Variants in RRBP1 observed in about 807,000 individuals in gnomAD.
RRBP1 encodes the protein ribosome-binding protein 1.
In RRBP1, 94 loss-of-function variants were observed where a neutral mutation model predicts 165.2. The observed-to-expected ratio is 0.57, with a 90% CI of 0.48 to 0.68. The LOEUF is 0.68. RRBP1 is among the 30% of genes least tolerant of loss of function. The probability of loss-of-function intolerance (pLI) is 0.00; values close to 1 mark genes in which losing one functional copy is unlikely to be tolerated. For missense variants in RRBP1, 1,676 were observed against 1,763.0 expected, an observed-to-expected ratio of 0.95 and a Z score of 0.88; for synonymous variants, 680 against 714.5, an observed-to-expected ratio of 0.95 and a Z score of 0.77.
At position 17,660,104 on chromosome 20, in the gene RRBP1, G is replaced by A. The variant is rs202162719; in HGVS notation, c.404C>T (p.Ser135Phe). The A allele has an allele frequency of 3.7e-6, 6 of 1,614,146 alleles. No homozygotes were observed. The South Asian group carries it at 4.4e-5, about 12-fold the overall frequency. The stretch of plus-strand genomic sequence containing the variant: ...CTCCTTCTTCTTTTTGTCCTTGGGG[G>A]AGGAGGCCAGCTTCTCCTGGGGCAT... ...PAMPQEKLAS[S>F]PKDKKKKEKK... Residue 135 changes from serine to phenylalanine, a missense_variant, in exon 3 of 25, where the codon TCC becomes TTC. Transcript: ENST00000377813.
intron 5 of RRBP1, among the ~76,000 whole-genome samples, chr20:17,640,616 C>G (rs2122354745): frequency 1.3e-5 from 2 of 152,214 alleles, no homozygotes; most frequent in Middle Eastern, 3.4e-3. Context: ...TTCTCCTCAC[C>G]TAAGAGGCAA....
rs767522582 is a variant in RRBP1, at chr20:17,643,567, C to T, written c.1913-440G>A. 6.6e-6 allele frequency among the ~76,000 whole-genome samples: 1 copy of T among 152,108 alleles called. No individual in the cohort carries two copies. The highest frequency in any genetic ancestry group is 2.1e-4 in the South Asian group (1 of 4,818). The stretch of plus-strand genomic sequence containing the variant: ...GACTGAGCCCCGTGGCCTTGTGGGA[C>T]CTGACTGGGCAGCGAATTTACCGTC... On this transcript the variant is annotated intron_variant, in intron 3 of 24. Coordinates refer to ENST00000377813, the MANE Select transcript of RRBP1 (RefSeq NM_001365613.2). The surrounding 1 kb of genome is among the most constrained non-coding windows in gnomAD (Gnocchi z 4.3).
Position 17,658,950 on chromosome 20 carries a change from T to TAAA in RRBP1, c.1557_1558insTTT (p.Gly519_Lys520insPhe), listed in dbSNP as rs1242078106. The stretch of plus-strand genomic sequence containing the variant: ...TTGCCCTGAGCCCCTTCTGTCTTTT[T>TAAA]ACCCTGATTCTGGGCTCCCTCTCCT... On this transcript the variant is annotated inframe_insertion, in exon 3 of 25. Transcript: ENST00000377813. 12 of 1,612,814 alleles carry TAAA rather than the reference T, an allele frequency of 7.4e-6. No homozygotes were observed. The East Asian group carries it at 2.7e-4, about 36-fold the overall frequency.
At chr20:17,615,637 G>A (rs2035785685) in intron 22 of RRBP1, 108 bp from the exon 23 acceptor site, 2 of 771,936 alleles carry the variant, frequency 2.6e-6, no homozygotes, top group Non-Finnish European at 4.0e-6. Flanking sequence ...CAGCCTGATG[G>A]AGCAACAGCT....
rs558934707 is a variant in RRBP1, at chr20:17,625,386, T to C, written c.3054+126A>G. ...CACACCCTGGACCCCCACAGCACAA[T>C]GGGGTGTAGAAACACAAGCTCAGCC... On this transcript the variant is annotated intron_variant, in intron 12 of 24. Transcript: ENST00000377813. 16 of 785,036 alleles carry C rather than the reference T, an allele frequency of 2.0e-5. No individual in the cohort carries two copies. The East Asian group carries it at 2.8e-4, about 14-fold the overall frequency. 48.6% of individuals were successfully genotyped at this position (785,036 alleles called of 1,614,324 possible).
rs1279944547 is a variant in RRBP1, at chr20:17,659,850, T to C, written c.658A>G (p.Arg220Gly). Residue 220 changes from arginine (R) to glycine (G), a missense_variant, in exon 3 of 25, where the codon AGA (arginine) becomes GGA (glycine). Arg to Gly is a moderately radical substitution (Grantham distance 125). Around this residue, in one of 5 missense-constraint regions of RRBP1, gnomAD observed 392 missense variants for 382.5 expected, o/e 1.02. Transcript: ENST00000377813. ...KKAEGAPNQG[R>G]KAEGTPNQGK... is the part of the protein sequence containing the mutation. ...TGGTTTGGGGTTCCCTCTGCCTTTC[T>C]GCCCTGGTTTGGGGCTCCTTCAGCC... 2 of 1,551,678 alleles carry C rather than the reference T, an allele frequency of 1.3e-6. No homozygotes were observed. Among genetic ancestry groups the C allele is most frequent in the East Asian group, 4.9e-5 (2 of 40,936 alleles).
chr20:17,646,611 G>C (rs539398807), intron 3 of RRBP1, among the ~76,000 whole-genome samples: 8 of 152,184 alleles, frequency 5.3e-5, no homozygotes, highest in Non-Finnish European at 8.8e-5. Flanking sequence ...GCAGGGTAAC[G>C]CACAGCAAAA....
In RRBP1 at chr20:17,659,967, C is replaced by G. The variant is rs771213076; in HGVS notation, c.541G>C (p.Val181Leu). Residue 181 changes from valine (V) to leucine (L), a missense_variant, in exon 3 of 25, where the codon GTG becomes CTG. Physicochemically the swap from Val to Leu is conservative, Grantham distance 32 (BLOSUM62 1). This residue lies in a region of RRBP1 where 392 missense variants were observed against 382.5 expected (regional missense o/e 1.02). Coordinates refer to ENST00000377813, the MANE Select transcript of RRBP1 (RefSeq NM_001365613.2). ...ETAPKEVPMVVVPPVGAKGNT... is the reference protein window; with the variant it reads ...ETAPKEVPMVLVPPVGAKGNT... Reference sequence around the variant, plus strand: ...CCCTTGGCACCCACTGGGGGCACCACCACCATCGGCACCTCCTTGGGAGCA... The same window carrying G: ...CCCTTGGCACCCACTGGGGGCACCAGCACCATCGGCACCTCCTTGGGAGCA... 2 of 1,604,752 alleles carry G rather than the reference C, an allele frequency of 1.2e-6. No homozygotes were observed. The highest frequency in any genetic ancestry group is 3.4e-5 in the Admixed American group (2 of 58,856).
intron 2 of RRBP1, among the ~76,000 whole-genome samples, chr20:17,663,638 T>C (rs2036812572): frequency 6.6e-6 from 1 of 152,266 alleles, no homozygotes; most frequent in Admixed American, 6.5e-5. Flanking sequence ...ACCTTTCTGC[T>C]GCTTTGCAGA....
intron 2 of RRBP1, among the ~76,000 whole-genome samples, chr20:17,671,725 C>CT (rs1165885204): frequency 6.6e-6 from 1 of 152,200 alleles, no homozygotes; most frequent in African/African-American, 2.4e-5. Flanking sequence ...GCTATCAGAA[C>CT]TTAAGAGTTT....
Position 17,615,425 on chromosome 20 carries a change from G to T in RRBP1, c.4050+6C>A. On this transcript the variant is annotated splice_donor_region_variant and intron_variant, in intron 23 of 24. Transcript: ENST00000377813. ...AGGTGTGACCCCCGCCCCAGCCCCTGCCTGCCTTCAGCTGTGAGGCCTCCT... is the reference window on the plus strand; with the variant it reads ...AGGTGTGACCCCCGCCCCAGCCCCTTCCTGCCTTCAGCTGTGAGGCCTCCT... 3 of 1,605,078 alleles carry T rather than the reference G, an allele frequency of 1.9e-6. No individual in the cohort carries two copies. The highest frequency in any genetic ancestry group is 1.7e-6 in the Non-Finnish European group (2 of 1,175,528).
intron 3 of RRBP1, among the ~76,000 whole-genome samples, chr20:17,655,161 G>A (rs2122425730): frequency 6.6e-6 from 1 of 152,244 alleles, no homozygotes; most frequent in South Asian, 2.1e-4. Flanking sequence ...AAGATCTAGG[G>A]TCTTCAGCGT....
At chr20:17,670,164 G>A (rs1003906854) in intron 2 of RRBP1, among the ~76,000 whole-genome samples, 22 of 152,162 alleles carry the variant, frequency 1.4e-4, no homozygotes, top group Non-Finnish European at 1.5e-5. Context: ...TATCTATTAA[G>A]ATAATCATAC....
At position 17,619,561 on chromosome 20, in the gene RRBP1, TGAG is replaced by T. The variant is rs200538430; in HGVS notation, c.3675+69_3675+71del. ...TCACCGAGAGCTGCTCCCACAGGGC[TGAG>T]GAGAAGCAGCTCAGGGAGGACCGCA... On this transcript the variant is annotated intron_variant, in intron 19 of 24. Transcript: ENST00000377813. 5.8e-3 allele frequency: 6,411 copies of T among 1,100,690 alleles called. 245 individuals carry two copies. In the African/African-American group the frequency reaches 0.088, roughly 15 times the overall value. 68.2% of individuals were successfully genotyped at this position (1,100,690 alleles called of 1,614,324 possible).
At chr20:17,662,048 G>A (rs2036775348) in intron 2 of RRBP1, among the ~76,000 whole-genome samples, 1 of 152,166 alleles carries the variant, frequency 6.6e-6, no homozygotes, top group Non-Finnish European at 1.5e-5. Context: ...AGATCACGAG[G>A]TCAGGAGATC....
At chr20:17,627,289 G>A (rs1186096922) in intron 11 of RRBP1, 59 bp downstream of exon 11, 2 of 1,586,192 alleles carry the variant, frequency 1.3e-6, no homozygotes. Context: ...GCCCCCCAAG[G>A]GTCTTTGGTC....
intron 13 of RRBP1, among the ~76,000 whole-genome samples, chr20:17,623,658 G>A (rs1399762870): frequency 4.6e-5 from 7 of 152,336 alleles, no homozygotes; most frequent in East Asian, 3.9e-4. Context: ...GGGACTGGGC[G>A]TGGTGGTTCA....
chr20:17,628,110 C>G (rs1385275353), intron 9 of RRBP1, among the ~76,000 whole-genome samples: 1 of 151,946 alleles, frequency 6.6e-6, no homozygotes. Context: ...GACCTCTTCA[C>G]AGTCGAGAAA....
Position 17,629,848 on chromosome 20 carries a change from G to A in RRBP1, c.2724C>T (p.Ala908=), listed in dbSNP as rs779941754. 1.3e-6 allele frequency: 2 copies of A among 1,599,220 alleles called. No individual in the cohort carries two copies. The highest frequency in any genetic ancestry group is 2.2e-5 in the South Asian group (2 of 91,024). ...CGGCCATCTGCTGCTGTTGCTCCTGGGCCTTCTCGGCATCCGCCCGGAGGC... is the reference window on the plus strand; with the variant it reads ...CGGCCATCTGCTGCTGTTGCTCCTGAGCCTTCTCGGCATCCGCCCGGAGGC... ...HASLRADAEK[A]QEQQQQMAEL... Residue 908 remains alanine, a synonymous_variant, in exon 9 of 25, where the codon GCC becomes GCT. Transcript: ENST00000377813.
Sources: gnomAD v4.1 joint callset for allele counts (sites outside exome capture counted in the v4.1 genomes callset) on GRCh38, gnomAD v4.1.1 for gene constraint, gnomAD v4.1.1 regional missense constraint, Gnocchi (gnomAD v3.1) non-coding constraint, MANE v1.5 for transcripts, NCBI Gene and HGNC (gene_info 2026-07-23, HGNC 2026-07-21) for gene names.